The following ZNF610 variants were observed in gnomAD, a reference collection of about 807,000 sequenced individuals.
ZNF610 encodes zink finger protein.
A neutral mutation model predicts 14.1 loss-of-function variants in ZNF610; 14 were observed. The observed-to-expected ratio is 0.99, with a 90% CI of 0.65 to 1.55. The LOEUF (loss-of-function observed/expected upper bound fraction) is 1.55, where lower values mean the gene tolerates loss of function less well. ZNF610 is among the 40% of genes most tolerant of loss of function. The pLI is 0.00. For missense variants in ZNF610, 530 were observed against 558.0 expected, an observed-to-expected ratio of 0.95 and a Z score of 0.51; for synonymous variants, 185 against 187.6, an observed-to-expected ratio of 0.99 and a Z score of 0.11.
intron 1 of ZNF610, among the ~76,000 whole-genome samples, chr19:52,338,051 A>G (rs1273381576): frequency 6.6e-6 from 1 of 152,210 alleles, no homozygotes; most frequent in African/African-American, 2.4e-5. Flanking sequence ...AGTTCATCAG[A>G]CACCACCTGG....
Position 52,366,617 on chromosome 19 carries a change from A to T in ZNF610, c.1239A>T (p.Leu413Phe), listed in dbSNP as rs1986085072. 1.9e-6 allele frequency: 3 copies of T among 1,614,204 alleles called. No individual in the cohort carries two copies. The South Asian group carries it at 3.3e-5, about 18-fold the overall frequency. The stretch of plus-strand genomic sequence containing the variant: ...GTGACAAAGTCTTTGGGCGCAAATT[A>T]TACCTAACCAACCATCAGAGAATTC... Reference protein sequence around the residue: ...NECDKVFGRKLYLTNHQRIHT... With the variant: ...NECDKVFGRKFYLTNHQRIHT... The change falls in exon 6 of 6, where the codon TTA becomes TTT. Residue 413 changes from leucine (L) to phenylalanine (F), a missense_variant. Physicochemically the swap from Leu to Phe is conservative, Grantham distance 22. Coordinates refer to ENST00000403906, the MANE Select transcript of ZNF610 (RefSeq NM_001161425.2).
At chr19:52,332,257 T>C (rs1984232566), upstream of ZNF610, among the ~76,000 whole-genome samples, 1 of 152,186 alleles carries the variant, frequency 6.6e-6, no homozygotes, top group Non-Finnish European at 1.5e-5. This position sits in a 1 kb window ranked among gnomAD's most constrained non-coding sequence, Gnocchi z 4.1. Flanking sequence ...TCAGGTTAAT[T>C]TGCAGACACT....
chr19:52,333,265 C>T (rs1219943043), upstream of ZNF610, among the ~76,000 whole-genome samples: 3 of 152,202 alleles, frequency 2.0e-5, no homozygotes, highest in South Asian at 2.1e-4. Flanking sequence ...GCCGAAACTG[C>T]GCAGCCAAGC....
At chr19:52,355,754 A>G (rs321948) in intron 5 of ZNF610, among the ~76,000 whole-genome samples, 68,689 of 152,020 alleles carry the variant, frequency 0.45, 16,071 homozygotes, top group African/African-American at 0.58. Flanking sequence ...GAGACACTTC[A>G]TTAGGTTCAC....
intron 5 of ZNF610, among the ~76,000 whole-genome samples, chr19:52,361,680 G>A (rs1231873887): frequency 2.0e-5 from 3 of 151,320 alleles, no homozygotes; most frequent in Non-Finnish European, 2.9e-5. Context: ...GGCTGATCTC[G>A]AACTCCTGAG....
chr19:52,348,653 G>A (rs1171185049), intron 2 of ZNF610, among the ~76,000 whole-genome samples: 2 of 152,196 alleles, frequency 1.3e-5, no homozygotes, highest in African/African-American at 4.8e-5. Context: ...GCTGTCACAT[G>A]CATAATTTAA....
intron 1 of ZNF610, among the ~76,000 whole-genome samples, chr19:52,339,171 C>T (rs1984545039): frequency 6.6e-6 from 1 of 151,912 alleles, no homozygotes; most frequent in African/African-American, 2.4e-5. Context: ...GCGGTTTTCT[C>T]CTATCTCAGT....
intron 5 of ZNF610, among the ~76,000 whole-genome samples, chr19:52,362,856 C>G (rs778103793): frequency 8.5e-5 from 13 of 152,296 alleles, no homozygotes; most frequent in Middle Eastern, 6.8e-3. Context: ...ATGGGCACTT[C>G]CGAAAAATTT....
intron 3 of ZNF610, among the ~76,000 whole-genome samples, chr19:52,351,722 C>T (rs887172955): frequency 2.6e-5 from 4 of 152,140 alleles, no homozygotes; most frequent in African/African-American, 9.7e-5. Context: ...AGTATCTGCC[C>T]GTGTAACTGC....
intron 5 of ZNF610, among the ~76,000 whole-genome samples, chr19:52,361,921 CTTTA>C (rs895122256): frequency 2.6e-5 from 4 of 152,114 alleles, no homozygotes; most frequent in East Asian, 1.9e-4. Flanking sequence ...TTACATGTAA[CTTTA>C]TTTATTTATT....
chr19:52,335,366 T>C (rs1457676722), upstream of ZNF610, among the ~76,000 whole-genome samples: 1 of 152,192 alleles, frequency 6.6e-6, no homozygotes, highest in Non-Finnish European at 1.5e-5. Flanking sequence ...CATGTGCCTG[T>C]AGCGTTTTTA....
intron 3 of ZNF610, among the ~76,000 whole-genome samples, chr19:52,351,666 G>A (rs943306920): frequency 6.6e-6 from 1 of 152,064 alleles, no homozygotes; most frequent in African/African-American, 2.4e-5. Context: ...CACCTGCTCT[G>A]CAGCCTGTGT....
rs532508140 is a variant in ZNF610, at chr19:52,338,071, A to T, written c.-258+1565A>T. The stretch of plus-strand genomic sequence containing the variant: ...ATCAGACACCACCTGGGTGTTGTGT[A>T]ATTTAACTCAATTTCACACTAACAC... On this transcript the variant is annotated intron_variant, in intron 1 of 5. Transcript: ENST00000403906. Among the ~76,000 whole-genome samples, 3 of 152,364 alleles carry T rather than the reference A, an allele frequency of 2.0e-5. No individual in the cohort carries two copies. The South Asian group carries it at 6.2e-4, about 32-fold the overall frequency.
At chr19:52,350,739 G>A (rs1985211902) in intron 3 of ZNF610, among the ~76,000 whole-genome samples, 1 of 152,144 alleles carries the variant, frequency 6.6e-6, no homozygotes, top group African/African-American at 2.4e-5. Context: ...TGTGGCTCAT[G>A]CCTGTAATAC....
intron 1 of ZNF610, among the ~76,000 whole-genome samples, chr19:52,339,668 C>T (rs1984577546): frequency 6.6e-6 from 1 of 152,166 alleles, no homozygotes; most frequent in Non-Finnish European, 1.5e-5. Context: ...AAAATGGAGT[C>T]TCTTATGTCT....
chr19:52,342,898 T>C (rs1294217501), intron 1 of ZNF610, among the ~76,000 whole-genome samples: 1 of 152,110 alleles, frequency 6.6e-6, no homozygotes, highest in African/African-American at 2.4e-5. Context: ...TCCCACAATT[T>C]AGTCCTTAAA....
intron 5 of ZNF610, among the ~76,000 whole-genome samples, chr19:52,357,821 A>T (rs1985604121): frequency 6.6e-6 from 1 of 151,932 alleles, no homozygotes; most frequent in Admixed American, 6.6e-5. Flanking sequence ...CCTTATTCCA[A>T]ATAGATAGAG....
intron 5 of ZNF610, among the ~76,000 whole-genome samples, chr19:52,365,324 T>C (rs1985967935): frequency 6.6e-6 from 1 of 152,138 alleles, no homozygotes; most frequent in Non-Finnish European, 1.5e-5. Context: ...AACACCTCAC[T>C]CCTGGGATTG....
Position 52,366,949 on chromosome 19 carries a change from A to G in ZNF610, c.*182A>G, listed in dbSNP as rs1986129207. ...TGTAAAGTTAATAACATATATAAATAATCTATAAAGAGAGAACAGTTATAT... is the reference window on the plus strand; with the variant it reads ...TGTAAAGTTAATAACATATATAAATGATCTATAAAGAGAGAACAGTTATAT... On this transcript the variant is annotated 3_prime_UTR_variant, in exon 6 of 6. Transcript: ENST00000403906. 2 of 573,804 alleles carry G rather than the reference A, an allele frequency of 3.5e-6. No individual in the cohort carries two copies. The highest frequency in any genetic ancestry group is 3.2e-5 in the Admixed American group (1 of 30,826). 35.5% of individuals were successfully genotyped at this position (573,804 alleles called of 1,614,324 possible). A position where few individuals can be genotyped will look rare whatever the true frequency, so the allele number is the denominator to read the frequency against.
Sources: allele counts gnomAD v4.1 joint callset (sites outside exome capture counted in the v4.1 genomes callset), GRCh38; gene constraint gnomAD v4.1.1; non-coding constraint Gnocchi (gnomAD v3.1); transcripts MANE v1.5; gene names NCBI Gene and HGNC (gene_info 2026-07-23, HGNC 2026-07-21).